Variants in OCIAD1 observed in about 807,000 individuals in gnomAD.
OCIAD1 encodes OCIA domain containing 1, also known as OCIA domain-containing protein 1.
Under a neutral mutation model 38.9 loss-of-function variants are expected in OCIAD1, and 29 were observed. That is an observed-to-expected ratio of 0.74 (90% CI 0.55 to 1.02). OCIAD1 has a LOEUF of 1.02. Ranked by LOEUF, OCIAD1 falls within the 50% of genes least tolerant of loss-of-function variation. The pLI is 0.00. For missense variants in OCIAD1, 288 were observed against 289.6 expected (o/e 0.99, Z 0.04); for synonymous variants, 110 against 92.0 (o/e 1.20, Z -1.12).
Position 48,860,753 on chromosome 4 carries a change from G to T in OCIAD1, c.729G>T (p.Trp243Cys). The change falls in exon 9 of 9, where the codon TGG becomes TGT. Residue 243 changes from tryptophan to cysteine, a missense_variant. By Grantham distance (215) the Trp-to-Cys change is radical (BLOSUM62 -2). Transcript: ENST00000264312. ...EVKVNKYGDT[W>C]DE Reference sequence around the variant, plus strand: ...AAGTAAACAAGTATGGAGATACTTGGGATGAGTGAAAAATTACATCATTGG... The same window carrying T: ...AAGTAAACAAGTATGGAGATACTTGTGATGAGTGAAAAATTACATCATTGG... The T allele has an allele frequency of 1.2e-6, 2 of 1,603,590 alleles. No individual in the cohort carries two copies. Among genetic ancestry groups the T allele is most frequent in the South Asian group, 1.1e-5 (1 of 90,134 alleles).
intron 1 of OCIAD1, among the ~76,000 whole-genome samples, chr4:48,818,987 T>C (rs1777166590): frequency 6.6e-6 from 1 of 152,166 alleles, no homozygotes; most frequent in South Asian, 2.1e-4. Context: ...TGGAACCAAG[T>C]TGAAGAATAC....
At chr4:48,819,398 G>A (rs1777169478) in intron 1 of OCIAD1, among the ~76,000 whole-genome samples, 1 of 152,034 alleles carries the variant, frequency 6.6e-6, no homozygotes, top group Non-Finnish European at 1.5e-5. Context: ...CCTGAAGGAA[G>A]CACTAAATAT....
intron 4 of OCIAD1, among the ~76,000 whole-genome samples, chr4:48,848,142 C>A (rs1779125913): frequency 6.6e-6 from 1 of 151,828 alleles, no homozygotes; most frequent in Admixed American, 6.6e-5. Context: ...CATACACACA[C>A]ACATATATAT....
chr4:48,826,095 C>T (rs559096838), upstream of OCIAD1, among the ~76,000 whole-genome samples: 1 of 152,100 alleles, frequency 6.6e-6, no homozygotes, highest in Non-Finnish European at 1.5e-5. Context: ...ATCTCAGCCT[C>T]CCGAAGTGCT....
At chr4:48,832,821 CT>C in intron 2 of OCIAD1, 139 bp downstream of exon 2, 1 of 678,316 alleles carries the variant, frequency 1.5e-6, no homozygotes, top group South Asian at 1.7e-5. Flanking sequence ...ATGTTCTAGT[CT>C]TGTTATCTTG....
intron 6 of OCIAD1, 48 bp from the exon 7 acceptor site, chr4:48,851,758 A>G (rs751809235): frequency 9.5e-7 from 1 of 1,052,058 alleles, no homozygotes. Context: ...TCTTTAAGAT[A>G]TAGGCAATGA....
chr4:48,813,053 T>C (rs1380030442), intron 1 of OCIAD1, among the ~76,000 whole-genome samples: 3 of 152,130 alleles, frequency 2.0e-5, no homozygotes, highest in African/African-American at 7.2e-5. Context: ...AAACATACTA[T>C]ACGGGTACAG....
At chr4:48,805,489 A>T (rs1486294052) in intron 1 of OCIAD1, among the ~76,000 whole-genome samples, 1 of 152,222 alleles carries the variant, frequency 6.6e-6, no homozygotes, top group African/African-American at 2.4e-5. Context: ...TACAGATGGT[A>T]AGCAATTTGA....
intron 3 of OCIAD1, among the ~76,000 whole-genome samples, chr4:48,840,649 C>T (rs1263054151): frequency 6.6e-6 from 1 of 152,066 alleles, no homozygotes; most frequent in African/African-American, 2.4e-5. Flanking sequence ...CAAACTAGCC[C>T]ATGGACCAAA....
At position 48,838,882 on chromosome 4, in the gene OCIAD1, CTA is replaced by C. The variant is rs530124387; in HGVS notation, c.140-3752_140-3751del. Among the ~76,000 whole-genome samples, 236 of 152,216 alleles carry C rather than the reference CTA, an allele frequency of 1.6e-3. 4 individuals are homozygous for C. The highest frequency in any genetic ancestry group is 5.3e-3 in the African/African-American group (221 of 41,524). ...TACATTCCATTAATCTGAAATATAA[CTA>C]TGAAGGCATCTTATTTCTAGGTGCT... On this transcript the variant is annotated intron_variant, in intron 3 of 8. Coordinates refer to ENST00000264312, the MANE Select transcript of OCIAD1 (RefSeq NM_017830.4).
At chr4:48,860,216 T>C (rs1289477245) in intron 8 of OCIAD1, 2 of 153,118 alleles carry the variant, frequency 1.3e-5, no homozygotes, top group East Asian at 1.9e-4. Context: ...AGAGAGAAGA[T>C]TGAATTAATT....
chr4:48,857,418 A>G (rs952066408), intron 8 of OCIAD1, 53 bp downstream of exon 8: 16 of 1,175,618 alleles, frequency 1.4e-5, no homozygotes, highest in Admixed American at 2.7e-5. Context: ...AAACTAAAAC[A>G]TTACTTTAAA....
intron 1 of OCIAD1, among the ~76,000 whole-genome samples, chr4:48,824,192 A>G (rs1777225852): frequency 6.6e-6 from 1 of 151,658 alleles, no homozygotes; most frequent in African/African-American, 2.4e-5. Flanking sequence ...TGTTGCCCAC[A>G]CTAGTCTCAA....
chr4:48,817,731 G>A (rs1193855786), intron 1 of OCIAD1, among the ~76,000 whole-genome samples: 2 of 152,198 alleles, frequency 1.3e-5, no homozygotes, highest in Admixed American at 6.5e-5. Flanking sequence ...GAATAATCGA[G>A]CTTGGTGTGG....
At chr4:48,837,355 C>G (rs939516975) in intron 3 of OCIAD1, 1 of 150,210 alleles carries the variant, frequency 6.7e-6, no homozygotes, top group African/African-American at 2.5e-5. Flanking sequence ...TGCAATGGCA[C>G]AGTCTTGGCT....
chr4:48,820,962 A>G (rs775806884), intron 1 of OCIAD1, among the ~76,000 whole-genome samples: 15 of 152,194 alleles, frequency 9.9e-5, no homozygotes, highest in Admixed American at 3.9e-4. Flanking sequence ...GCCGAATTCT[A>G]CCAGAGGTAC....
intron 1 of OCIAD1, among the ~76,000 whole-genome samples, chr4:48,810,458 G>C (rs1465624835): frequency 6.1e-4 from 73 of 119,316 alleles, no homozygotes; most frequent in Non-Finnish European, 1.1e-3. Context: ...GACAGAGTGA[G>C]ACTCCATCTC....
In OCIAD1 at chr4:48,833,413, A is replaced by T. The variant is rs1357069772; in HGVS notation, c.71A>T (p.Asp24Val). ...CCCTGGTAAAAAGACATAGGGCCTGATTACATTCCAACAGAGGAAGAAAGG... is the reference window on the plus strand; with the variant it reads ...CCCTGGTAAAAAGACATAGGGCCTGTTTACATTCCAACAGAGGAAGAAAGG... ...VPRPIPHIGP[D>V]YIPTEEERRV... Residue 24 changes from aspartate to valine, a missense_variant, in exon 3 of 9, where the codon GAT (aspartate) becomes GTT (valine). By Grantham distance (152) the Asp-to-Val change is radical. Coordinates refer to ENST00000264312, the MANE Select transcript of OCIAD1 (RefSeq NM_017830.4). 3 of 1,597,454 alleles carry T rather than the reference A, an allele frequency of 1.9e-6. No homozygotes were observed. Among genetic ancestry groups the T allele is most frequent in the Non-Finnish European group, 2.6e-6 (3 of 1,165,940 alleles).
chr4:48,806,788 T>C (rs1170871545), intron 1 of OCIAD1, among the ~76,000 whole-genome samples: 2 of 152,038 alleles, frequency 1.3e-5, no homozygotes, highest in African/African-American at 4.8e-5. Context: ...GTATTTTTAG[T>C]AGAGATGAGA....
Sources: gnomAD v4.1 joint callset for allele counts (sites outside exome capture counted in the v4.1 genomes callset) on GRCh38, gnomAD v4.1.1 for gene constraint, MANE v1.5 for transcripts, NCBI Gene and HGNC (gene_info 2026-07-23, HGNC 2026-07-21) for gene names.